The following SLX4IP variants were observed in gnomAD, a reference collection of about 807,000 sequenced individuals.
SLX4IP encodes protein SLX4IP.
A neutral mutation model predicts 32.9 loss-of-function variants in SLX4IP; 34 were observed. The observed-to-expected ratio is 1.03, with a 90% CI of 0.79 to 1.38. The LOEUF is 1.38. Among genes scored for constraint, SLX4IP ranks in the 40% most tolerant of loss-of-function variants. SLX4IP has a pLI of 0.00. For synonymous variants in SLX4IP, 172 were observed against 171.7 expected (o/e 1.00, Z -0.01); for missense variants, 444 against 479.0 (o/e 0.93, Z 0.68).
chr20:10,587,579 A>G (rs1389502512), intron 4 of SLX4IP, among the ~76,000 whole-genome samples: 4 of 152,142 alleles, frequency 2.6e-5, no homozygotes, highest in Non-Finnish European at 5.9e-5. Flanking sequence ...TAAAATAAAT[A>G]TACATACAAA....
At chr20:10,496,052 C>G (rs1036743012) in intron 2 of SLX4IP, among the ~76,000 whole-genome samples, 1 of 151,520 alleles carries the variant, frequency 6.6e-6, no homozygotes, top group Non-Finnish European at 1.5e-5. Flanking sequence ...TTTTCTGCAC[C>G]TATTCATTGG....
intron 2 of SLX4IP, among the ~76,000 whole-genome samples, chr20:10,493,454 A>G (rs1409748432): frequency 6.6e-6 from 1 of 152,218 alleles, no homozygotes; most frequent in East Asian, 1.9e-4. Context: ...CACCAACCAT[A>G]TCGAACTCCC....
intron 1 of SLX4IP, among the ~76,000 whole-genome samples, chr20:10,455,923 C>T (rs2065281656): frequency 6.6e-6 from 1 of 151,918 alleles, no homozygotes; most frequent in African/African-American, 2.4e-5. Flanking sequence ...TATGTCTGTT[C>T]TTATGCTAGT....
intron 5 of SLX4IP, among the ~76,000 whole-genome samples, chr20:10,601,252 C>T (rs2066838217): frequency 6.6e-6 from 1 of 152,140 alleles, no homozygotes; most frequent in South Asian, 2.1e-4. Flanking sequence ...GTAGTTTGCC[C>T]TCCAGGGTCG....
At chr20:10,580,338 T>G (rs2066569903) in intron 4 of SLX4IP, among the ~76,000 whole-genome samples, 1 of 152,054 alleles carries the variant, frequency 6.6e-6, no homozygotes, top group South Asian at 2.1e-4. Context: ...CAAAAGGACT[T>G]GTCTGAGTTT....
intron 2 of SLX4IP, among the ~76,000 whole-genome samples, chr20:10,497,637 C>T (rs1483776423): frequency 1.3e-5 from 2 of 152,128 alleles, no homozygotes; most frequent in South Asian, 4.2e-4. Context: ...ATTTCTTACT[C>T]ATTTTAATGA....
chr20:10,486,147 G>A (rs2065571378), intron 2 of SLX4IP, among the ~76,000 whole-genome samples: 1 of 150,168 alleles, frequency 6.7e-6, no homozygotes, highest in Non-Finnish European at 1.5e-5. Flanking sequence ...TTTTTGTTTG[G>A]CATCTTAACT....
chr20:10,602,226 A>G (rs1000186219), intron 6 of SLX4IP, among the ~76,000 whole-genome samples: 93 of 152,180 alleles, frequency 6.1e-4, no homozygotes, highest in African/African-American at 2.0e-3. Flanking sequence ...CGACATTTTC[A>G]TGAGAACCAG....
intron 6 of SLX4IP, among the ~76,000 whole-genome samples, chr20:10,610,947 C>T (rs1235655122): frequency 6.6e-6 from 1 of 152,158 alleles, no homozygotes; most frequent in Non-Finnish European, 1.5e-5. Flanking sequence ...GCCATTTTGC[C>T]TTGTGGTCTG....
intron 2 of SLX4IP, among the ~76,000 whole-genome samples, chr20:10,512,578 G>A (rs954633135): frequency 1.4e-5 from 2 of 141,150 alleles, no homozygotes; most frequent in South Asian, 2.2e-4. Flanking sequence ...ATATATATAG[G>A]TGTGTGTATA....
intron 2 of SLX4IP, among the ~76,000 whole-genome samples, chr20:10,487,097 T>A (rs1473122813): frequency 6.6e-6 from 1 of 152,200 alleles, no homozygotes; most frequent in East Asian, 1.9e-4. Context: ...CTGTTCTCTG[T>A]AGAAAACTAT....
At chr20:10,614,057 G>A (rs3748472) in intron 6 of SLX4IP, 99,077 of 1,519,060 alleles carry the variant, frequency 0.065, 5,351 homozygotes, top group South Asian at 0.21. Context: ...AGCGGGTGGC[G>A]TCCTCCTTGT....
intron 2 of SLX4IP, among the ~76,000 whole-genome samples, chr20:10,476,141 A>G (rs601918): frequency 0.69 from 103,657 of 151,172 alleles, 35,678 homozygotes; most frequent in South Asian, 0.8. Context: ...CACATCCCTC[A>G]CTGTGTGTGT....
At chr20:10,617,244 G>A (rs1023879765) in intron 6 of SLX4IP, among the ~76,000 whole-genome samples, 4 of 152,080 alleles carry the variant, frequency 2.6e-5, no homozygotes, top group African/African-American at 9.7e-5. Context: ...TATGTATATC[G>A]GCAGTTTTTG....
At chr20:10,532,282 T>C (rs1185803901) in intron 2 of SLX4IP, among the ~76,000 whole-genome samples, 2 of 152,058 alleles carry the variant, frequency 1.3e-5, no homozygotes, top group African/African-American at 2.4e-5. Context: ...GGGATGGATA[T>C]GTTCATTGGC....
At chr20:10,458,527 C>G (rs535714010) in intron 2 of SLX4IP, among the ~76,000 whole-genome samples, 3 of 152,072 alleles carry the variant, frequency 2.0e-5, no homozygotes, top group Non-Finnish European at 2.9e-5. Context: ...CCCCTTCCCC[C>G]ACAACAGGTC....
intron 3 of SLX4IP, among the ~76,000 whole-genome samples, chr20:10,559,794 CG>C (rs1264741864): frequency 2.0e-5 from 3 of 152,090 alleles, no homozygotes; most frequent in Non-Finnish European, 4.4e-5. Context: ...GTGTTTCTGT[CG>C]CCTAATAAAT....
Position 10,623,479 on chromosome 20 carries a change from A to C in SLX4IP, c.*100A>C. On this transcript the variant is annotated 3_prime_UTR_variant, in exon 8 of 8. Coordinates refer to ENST00000334534, the MANE Select transcript of SLX4IP (RefSeq NM_001009608.3). ...TGCCGGGATTTTAAAGGAATTAATT[A>C]GAATGACTAATTTAAATAGGAAGTG... The C allele has an allele frequency of 6.9e-7, 1 of 1,454,072 alleles. No individual in the cohort carries two copies. Among genetic ancestry groups the C allele is most frequent in the Non-Finnish European group, 9.2e-7 (1 of 1,092,148 alleles). The allele number at this position is 1,454,072 out of a possible 1,614,324, so 90.1% of individuals were successfully genotyped here. A position where few individuals can be genotyped will look rare whatever the true frequency, so the allele number is the denominator to read the frequency against.
intron 1 of SLX4IP, among the ~76,000 whole-genome samples, chr20:10,447,660 T>C (rs1323058178): frequency 1.1e-4 from 16 of 152,214 alleles, no homozygotes; most frequent in South Asian, 4.1e-4. Context: ...TTTTTATTTT[T>C]TTCTGCTTCT....
Sources: allele counts gnomAD v4.1 joint callset (sites outside exome capture counted in the v4.1 genomes callset), GRCh38; gene constraint gnomAD v4.1.1; transcripts MANE v1.5; gene names NCBI Gene and HGNC (gene_info 2026-07-23, HGNC 2026-07-21).